The following DCC variants were observed in gnomAD, a reference collection of about 807,000 sequenced individuals.
DCC encodes the protein netrin receptor DCC.
DCC carries 58 observed loss-of-function variants against 172.5 expected under a neutral mutation model. That is an observed-to-expected ratio of 0.34 (90% confidence interval 0.27 to 0.42). The LOEUF (loss-of-function observed/expected upper bound fraction) is 0.42. Among genes scored for constraint, DCC ranks in the 10% least tolerant of loss-of-function variants. The pLI is 1.00. For missense variants in DCC, 1,740 were observed against 1,791.0 expected (o/e 0.97, Z 0.51); for synonymous variants, 709 against 644.5 (o/e 1.10, Z -1.52).
At chr18:52,792,822 T>C in intron 2 of DCC, among the ~76,000 whole-genome samples, 1 of 151,688 alleles carries the variant, frequency 6.6e-6, no homozygotes, top group Non-Finnish European at 1.5e-5. Flanking sequence ...TCAATTCCAT[T>C]CTATTCCATT....
chr18:52,584,746 C>T (rs1598932867), intron 1 of DCC, among the ~76,000 whole-genome samples: 1 of 151,264 alleles, frequency 6.6e-6, no homozygotes, highest in Admixed American at 6.6e-5. Flanking sequence ...CGCTTTGTTG[C>T]CGAGACTGGT....
At chr18:52,816,188 T>C (rs2038293555) in intron 2 of DCC, among the ~76,000 whole-genome samples, 1 of 152,078 alleles carries the variant, frequency 6.6e-6, no homozygotes, top group African/African-American at 2.4e-5. Context: ...GTGAAGGAAA[T>C]GAGTAGTAGT....
chr18:53,033,033 A>C (rs534487471), intron 5 of DCC, among the ~76,000 whole-genome samples: 1 of 152,170 alleles, frequency 6.6e-6, no homozygotes, highest in African/African-American at 2.4e-5. Context: ...GGTTAAATAG[A>C]GTTAGTCTCC....
At chr18:52,770,829 G>A (rs1195953825) in intron 2 of DCC, among the ~76,000 whole-genome samples, 1 of 152,226 alleles carries the variant, frequency 6.6e-6, no homozygotes, top group Non-Finnish European at 1.5e-5. Context: ...GCATGTAGAA[G>A]TCAGTAGTTT....
intron 25 of DCC, 130 bp from the exon 26 acceptor site, chr18:53,486,667 T>C: frequency 3.3e-6 from 4 of 1,226,880 alleles, no homozygotes; most frequent in Non-Finnish European, 4.7e-6. Flanking sequence ...GAGAGGTAAG[T>C]AAGGGAACCT....
At chr18:53,054,415 C>T (rs1258462080) in intron 5 of DCC, among the ~76,000 whole-genome samples, 1 of 151,856 alleles carries the variant, frequency 6.6e-6, no homozygotes, top group Non-Finnish European at 1.5e-5. Context: ...GGAGAGTTGC[C>T]AATAACTATC....
chr18:52,478,001 A>T (rs1989142545), intron 1 of DCC, among the ~76,000 whole-genome samples: 1 of 151,896 alleles, frequency 6.6e-6, no homozygotes, highest in Admixed American at 6.6e-5. Context: ...GTAGAGATGA[A>T]GTCTCCCTTT....
At chr18:53,000,785 G>T (rs1270351861) in intron 5 of DCC, among the ~76,000 whole-genome samples, 1 of 151,492 alleles carries the variant, frequency 6.6e-6, no homozygotes, top group East Asian at 1.9e-4. Flanking sequence ...AAATGATGAT[G>T]ATTTTTCAAG....
chr18:53,379,874 A>T (rs1907584770), intron 15 of DCC, among the ~76,000 whole-genome samples: 1 of 152,230 alleles, frequency 6.6e-6, no homozygotes, highest in Non-Finnish European at 1.5e-5. Flanking sequence ...ATTTAAAAGA[A>T]TTCCCGTGGA....
At chr18:52,797,876 G>GTTCT (rs1568110757) in intron 2 of DCC, among the ~76,000 whole-genome samples, 3 of 152,168 alleles carry the variant, frequency 2.0e-5, no homozygotes, top group Non-Finnish European at 2.9e-5. Context: ...AAGGCTGGCT[G>GTTCT]GTTCTCAAGC....
chr18:53,176,623 A>T (rs1344510254), intron 8 of DCC, among the ~76,000 whole-genome samples: 3 of 152,324 alleles, frequency 2.0e-5, no homozygotes, highest in East Asian at 3.9e-4. Flanking sequence ...TCAAAACCAC[A>T]ATGAGATACC....
intron 27 of DCC, among the ~76,000 whole-genome samples, chr18:53,519,027 G>A (rs867568650): frequency 6.6e-6 from 1 of 152,044 alleles, no homozygotes; most frequent in African/African-American, 2.4e-5. Context: ...TTTGAGTTAA[G>A]CTTTAACTGG....
At chr18:53,078,435 C>T (rs887122900) in intron 7 of DCC, among the ~76,000 whole-genome samples, 1 of 152,082 alleles carries the variant, frequency 6.6e-6, no homozygotes, top group Non-Finnish European at 1.5e-5. Context: ...CATAACACAG[C>T]CAGTGCCTGA....
intron 25 of DCC, among the ~76,000 whole-genome samples, chr18:53,471,939 T>C (rs1009059789): frequency 2.0e-5 from 3 of 152,184 alleles, no homozygotes; most frequent in African/African-American, 7.2e-5. Context: ...ATAATCTTTA[T>C]AGGGGCAAGG....
chr18:52,965,928 AAT>A (rs376781196), intron 5 of DCC, among the ~76,000 whole-genome samples: 264 of 152,266 alleles, frequency 1.7e-3, no homozygotes, highest in African/African-American at 6.1e-3. Context: ...TAAACCCATT[AAT>A]ATGAGAGCCA....
At chr18:53,198,500 A>G (rs1042736359) in intron 9 of DCC, among the ~76,000 whole-genome samples, 3 of 152,018 alleles carry the variant, frequency 2.0e-5, no homozygotes, top group Non-Finnish European at 2.9e-5. Context: ...CCTGTCTTCA[A>G]TATGATTATA....
At chr18:53,383,357 A>G (rs1244104017) in intron 15 of DCC, among the ~76,000 whole-genome samples, 1 of 151,916 alleles carries the variant, frequency 6.6e-6, no homozygotes, top group African/African-American at 2.4e-5. Context: ...ATTCTTTAAA[A>G]TACCTTTATC....
At chr18:53,025,795 TACACACACACACACACAC>T (rs34351949) in intron 5 of DCC, among the ~76,000 whole-genome samples, 5 of 141,510 alleles carry the variant, frequency 3.5e-5, no homozygotes, top group Middle Eastern at 3.3e-3. Context: ...AAAACTATGA[TACACACACACACACACAC>T]ACACACACAC....
chr18:52,798,290 A>G (rs1030827194), intron 2 of DCC, among the ~76,000 whole-genome samples: 1 of 152,240 alleles, frequency 6.6e-6, no homozygotes, highest in Non-Finnish European at 1.5e-5. Flanking sequence ...AAAAATTTGG[A>G]AAACATTTCC....
Sources: allele counts gnomAD v4.1 joint callset (sites outside exome capture counted in the v4.1 genomes callset), GRCh38; gene constraint gnomAD v4.1.1; transcripts MANE v1.5; gene names NCBI Gene and HGNC (gene_info 2026-07-23, HGNC 2026-07-21).